Variants in PCF11 observed in about 807,000 individuals in gnomAD.
The protein encoded by PCF11 is pre-mRNA cleavage complex 2 protein Pcf11.
Under a neutral mutation model 166.1 loss-of-function variants are expected in PCF11, and 19 were observed. The observed-to-expected ratio is 0.11, with a 90% CI of 0.08 to 0.17. PCF11 has a LOEUF of 0.17. PCF11 is among the 10% of genes least tolerant of loss of function. The pLI is 1.00. For synonymous variants in PCF11, 663 were observed against 644.1 expected, an observed-to-expected ratio of 1.03 and a Z score of -0.44; for missense variants, 1,565 against 1,855.5, an observed-to-expected ratio of 0.84 and a Z score of 2.88.
chr11:83,167,119 T>C lies in PCF11; in HGVS notation c.1818-6T>C. 6.2e-7 allele frequency: 1 copy of C among 1,600,800 alleles called. No homozygotes were observed. Among genetic ancestry groups the C allele is most frequent in the African/African-American group, 1.3e-5 (1 of 74,656 alleles). On this transcript the variant is annotated splice_polypyrimidine_tract_variant and splice_region_variant and intron_variant, in intron 5 of 15. Transcript: ENST00000298281. The surrounding 1 kb of genome is among the most constrained non-coding windows in gnomAD (Gnocchi z 4.2). Reference sequence around the variant, plus strand: ...TCAATGTAACATACTGCTTTTATGGTTTCAGCTTACAACAGGTTGATGAAC... The same window carrying C: ...TCAATGTAACATACTGCTTTTATGGCTTCAGCTTACAACAGGTTGATGAAC...
chr11:83,177,008 CT>C, intron 9 of PCF11, 76 bp from the exon 10 acceptor site: 1 of 1,055,148 alleles, frequency 9.5e-7, no homozygotes, highest in Non-Finnish European at 1.3e-6. Context: ...TTGAAAAATG[CT>C]TAGTATAATT....
intron 1 of PCF11, chr11:83,158,114 T>G (rs1860067831): frequency 6.5e-6 from 1 of 154,418 alleles, no homozygotes; most frequent in African/African-American, 2.4e-5. Context: ...GAATAGGGAT[T>G]TGGCCCCGAG....
chr11:83,168,344 G>GTTTT, intron 7 of PCF11, 84 bp from the exon 8 acceptor site: 1 of 1,260,872 alleles, frequency 7.9e-7, no homozygotes, highest in South Asian at 1.6e-5. Flanking sequence ...TAGTGAGATA[G>GTTTT]TTATATATTT....
At chr11:83,168,848 T>C (rs781780815) in exon 8 of PCF11, 21 of 1,612,484 alleles carry the variant, frequency 1.3e-5, no homozygotes, top group Admixed American at 1.7e-5. Context: ...GAGGGCCCAA[T>C]TGGTCAAGCA....
chr11:83,174,925 A>T (rs976550807), intron 9 of PCF11, among the ~76,000 whole-genome samples: 1 of 152,230 alleles, frequency 6.6e-6, no homozygotes, highest in African/African-American at 2.4e-5. Context: ...CTCTTCATTC[A>T]TGTATTCAGA....
exon 16 of PCF11, chr11:83,185,909 A>C (rs1382140563): frequency 6.6e-6 from 1 of 152,590 alleles, no homozygotes; most frequent in Non-Finnish European, 1.5e-5. Flanking sequence ...GCACTCTGAG[A>C]CAGGTTAGTC....
chr11:83,180,534 A>G lies in PCF11; in HGVS notation c.3984-474A>G, dbSNP rs150641534. ...ACAGCAAACTAATTATTGTTTCCCA[A>G]TGGTATTCTAAGTTTTCTCTTTAGT... On this transcript the variant is annotated intron_variant, in intron 11 of 15. Coordinates refer to ENST00000298281, the Ensembl canonical transcript of PCF11. 2.2e-3 allele frequency: 342 copies of G among 152,444 alleles called. 9 individuals are homozygous for G. Among genetic ancestry groups the G allele is most frequent in the Admixed American group, 0.018 (280 of 15,310 alleles). 9.4% of individuals were successfully genotyped at this position (152,444 alleles called of 1,614,324 possible). A position where few individuals can be genotyped will look rare whatever the true frequency, so the allele number is the denominator to read the frequency against.
intron 9 of PCF11, among the ~76,000 whole-genome samples, chr11:83,174,308 TCTG>T (rs901277461): frequency 2.6e-5 from 4 of 152,190 alleles, no homozygotes; most frequent in African/African-American, 4.8e-5. Flanking sequence ...ATATTAGTCA[TCTG>T]CTGTATGCTA....
exon 5 of PCF11, chr11:83,166,424 T>C: frequency 6.2e-7 from 1 of 1,613,902 alleles, no homozygotes; most frequent in Non-Finnish European, 8.5e-7. Flanking sequence ...GGCAAAGAAG[T>C]ATGTCTCCAA....
At chr11:83,173,870 A>G (rs1466955678) in intron 9 of PCF11, among the ~76,000 whole-genome samples, 1 of 151,792 alleles carries the variant, frequency 6.6e-6, no homozygotes, top group Non-Finnish European at 1.5e-5. Context: ...AGCTGGGACT[A>G]CAGGCACATG....
chr11:83,181,667 G>A (rs56761262), intron 12 of PCF11, among the ~76,000 whole-genome samples, 187 bp from the exon 13 acceptor site: 2 of 151,518 alleles, frequency 1.3e-5, no homozygotes, highest in African/African-American at 4.9e-5. Flanking sequence ...TAGAGTTAAT[G>A]GAAAAGATCT....
chr11:83,184,763 G>A (rs1406924040), exon 16 of PCF11: 7 of 1,612,138 alleles, frequency 4.3e-6, no homozygotes, highest in Admixed American at 3.4e-5. Flanking sequence ...TGTCAAAAAC[G>A]AATTGCAGGA....
chr11:83,162,028 C>A (rs1232687100), intron 2 of PCF11, among the ~76,000 whole-genome samples: 1 of 152,158 alleles, frequency 6.6e-6, no homozygotes, highest in Non-Finnish European at 1.5e-5. Flanking sequence ...ACTTTTGCCC[C>A]TACCTTAGTG....
At chr11:83,173,846 T>TA (rs1860784064) in intron 9 of PCF11, among the ~76,000 whole-genome samples, 2 of 147,398 alleles carry the variant, frequency 1.4e-5, no homozygotes, top group African/African-American at 5.0e-5. Context: ...TCTCCCGGGC[T>TA]CAGCCTCCCC....
At chr11:83,157,874 C>G (rs572397500) in intron 1 of PCF11, 129 of 553,730 alleles carry the variant, frequency 2.3e-4, no homozygotes, top group African/African-American at 2.0e-3. Context: ...TTTTAGGCCA[C>G]CGCATTGTAT....
At chr11:83,172,709 C>A (rs145928931) in intron 9 of PCF11, among the ~76,000 whole-genome samples, 1 of 152,278 alleles carries the variant, frequency 6.6e-6, no homozygotes, top group Non-Finnish European at 1.5e-5. Context: ...AGCCACCATG[C>A]CCGGCAAAAT....
chr11:83,182,806 T>G (rs766035032), intron 14 of PCF11, among the ~76,000 whole-genome samples: 9 of 152,194 alleles, frequency 5.9e-5, no homozygotes, highest in Non-Finnish European at 1.3e-4. Context: ...CATCAAACTA[T>G]ACTGTGCTGA....
chr11:83,164,231 A>G (rs1336504356), exon 4 of PCF11: 1 of 1,613,250 alleles, frequency 6.2e-7, no homozygotes. Flanking sequence ...AACACCTGGT[A>G]CAGTGGTCAG....
At chr11:83,180,052 A>G (rs1271522212) in intron 11 of PCF11, 1 of 151,924 alleles carries the variant, frequency 6.6e-6, no homozygotes, top group African/African-American at 2.4e-5. Flanking sequence ...TGTTGCTGTA[A>G]CAAAGTACCA....
Sources: allele counts gnomAD v4.1 joint callset (sites outside exome capture counted in the v4.1 genomes callset), GRCh38; gene constraint gnomAD v4.1.1; non-coding constraint Gnocchi (gnomAD v3.1); transcripts MANE v1.5; gene names NCBI Gene and HGNC (gene_info 2026-07-23, HGNC 2026-07-21).